The following HPSE2 variants were observed in gnomAD, a reference collection of about 807,000 sequenced individuals.
The protein encoded by HPSE2 is inactive heparanase-2.
HPSE2 carries 38 observed loss-of-function variants against 60.5 expected under a neutral mutation model. The ratio of observed to expected loss-of-function variants is 0.63; its 90% CI spans 0.48 to 0.82. The LOEUF (loss-of-function observed/expected upper bound fraction) is 0.82, where lower values mean the gene tolerates loss of function less well. Among genes scored for constraint, HPSE2 ranks in the 40% least tolerant of loss-of-function variants. The probability of loss-of-function intolerance (pLI) is 0.00; values close to 1 mark genes in which losing one functional copy is unlikely to be tolerated. For synonymous variants in HPSE2, 295 were observed against 293.2 expected (o/e 1.01, Z -0.06); for missense variants, 713 against 740.4 (o/e 0.96, Z 0.43).
chr10:98,719,806 G>T (rs1438187318), intron 5 of HPSE2, among the ~76,000 whole-genome samples: 1 of 151,422 alleles, frequency 6.6e-6, no homozygotes, highest in Non-Finnish European at 1.5e-5. Context: ...CTCAACACCA[G>T]CCTGACCAAC....
At chr10:98,943,804 T>C (rs1056231882) in intron 3 of HPSE2, among the ~76,000 whole-genome samples, 1 of 152,128 alleles carries the variant, frequency 6.6e-6, no homozygotes, top group African/African-American at 2.4e-5. Context: ...TTTCTAAATG[T>C]ATCCTCCCCA....
intron 6 of HPSE2, among the ~76,000 whole-genome samples, chr10:98,686,064 C>T (rs1947908578): frequency 6.6e-6 from 1 of 152,068 alleles, no homozygotes; most frequent in Non-Finnish European, 1.5e-5. Context: ...GTTTCTCTGT[C>T]TAGGGTTTTT....
intron 3 of HPSE2, among the ~76,000 whole-genome samples, chr10:99,094,559 T>A (rs1430940681): frequency 1.8e-4 from 19 of 104,158 alleles, no homozygotes; most frequent in South Asian, 1.1e-3. Context: ...TTTTTTTTTT[T>A]TTTTTTTTTT....
intron 6 of HPSE2, among the ~76,000 whole-genome samples, chr10:98,657,977 A>AT (rs1189709830): frequency 6.6e-6 from 1 of 152,112 alleles, no homozygotes; most frequent in Non-Finnish European, 1.5e-5. Flanking sequence ...AACTTAAGGG[A>AT]TTTTTTGGAA....
chr10:98,510,992 T>C (rs943336502), intron 9 of HPSE2, among the ~76,000 whole-genome samples: 1 of 152,176 alleles, frequency 6.6e-6, no homozygotes, highest in African/African-American at 2.4e-5. Context: ...TTGAAACACA[T>C]ATTCAAATTC....
chr10:98,691,165 C>T (rs1421508635), intron 6 of HPSE2, among the ~76,000 whole-genome samples: 1 of 152,132 alleles, frequency 6.6e-6, no homozygotes, highest in East Asian at 1.9e-4. Flanking sequence ...GCCAGAATTG[C>T]CTGGGATTCT....
At chr10:98,730,590 A>G (rs1359686719) in intron 4 of HPSE2, among the ~76,000 whole-genome samples, 1 of 152,112 alleles carries the variant, frequency 6.6e-6, no homozygotes, top group African/African-American at 2.4e-5. Flanking sequence ...CCACCGAAAA[A>G]AGAGAGAGAG....
chr10:98,930,731 A>C (rs1954619016), intron 3 of HPSE2, among the ~76,000 whole-genome samples: 2 of 143,232 alleles, frequency 1.4e-5, no homozygotes, highest in Non-Finnish European at 3.0e-5. Context: ...TGTGATGTTG[A>C]GCTGTTTTTC....
At chr10:98,798,117 C>T (rs1280472065) in intron 3 of HPSE2, among the ~76,000 whole-genome samples, 1 of 152,076 alleles carries the variant, frequency 6.6e-6, no homozygotes, top group African/African-American at 2.4e-5. Context: ...TGCAATAGGT[C>T]TGGCAGCAGA....
At chr10:99,070,734 T>C (rs957447678) in intron 3 of HPSE2, among the ~76,000 whole-genome samples, 8 of 152,108 alleles carry the variant, frequency 5.3e-5, no homozygotes, top group Non-Finnish European at 1.0e-4. Flanking sequence ...TTTTAGATAA[T>C]TTGTACATGT....
chr10:99,296,740 G>C, the HPSE2 span, among the ~76,000 whole-genome samples: 2 of 152,296 alleles, frequency 1.3e-5, no homozygotes, highest in African/African-American at 2.4e-5. Context: ...GGCTTCATGA[G>C]ATATGGCAGT....
chr10:99,025,260 A>G (rs951374693), intron 3 of HPSE2, among the ~76,000 whole-genome samples: 1 of 152,166 alleles, frequency 6.6e-6, no homozygotes, highest in African/African-American at 2.4e-5. Context: ...AGGAATGTTA[A>G]TTAGGTCAAC....
intron 5 of HPSE2, among the ~76,000 whole-genome samples, chr10:98,708,792 C>T (rs1031456970): frequency 6.6e-6 from 1 of 152,098 alleles, no homozygotes; most frequent in Admixed American, 6.6e-5. Flanking sequence ...TTAGAAAGAC[C>T]TCATCTAAAA....
chr10:98,503,857 T>C (rs540313904), intron 9 of HPSE2, among the ~76,000 whole-genome samples: 2 of 152,016 alleles, frequency 1.3e-5, no homozygotes, highest in Non-Finnish European at 2.9e-5. Context: ...GGGGACTTGG[T>C]GGGAAGAGTG....
chr10:99,277,038 G>A, the HPSE2 span, among the ~76,000 whole-genome samples: 6 of 152,142 alleles, frequency 3.9e-5, no homozygotes, highest in Non-Finnish European at 7.4e-5. Context: ...TGGGACAGAG[G>A]CGACAATGGA....
chr10:98,719,639 G>A (rs567021953), intron 5 of HPSE2, among the ~76,000 whole-genome samples: 10 of 146,464 alleles, frequency 6.8e-5, no homozygotes, highest in East Asian at 6.0e-4. Context: ...GACCCTAAAC[G>A]TCATGAGTGC....
intron 3 of HPSE2, among the ~76,000 whole-genome samples, chr10:99,086,346 CTTTTTTTT>C (rs66562418): frequency 2.4e-5 from 2 of 83,008 alleles, no homozygotes; most frequent in African/African-American, 9.0e-5. Flanking sequence ...AAAGTACTTT[CTTTTTTTT>C]TTTTTTTTTT....
intron 4 of HPSE2, among the ~76,000 whole-genome samples, chr10:98,727,691 A>C (rs1266867264): frequency 6.6e-6 from 1 of 151,956 alleles, no homozygotes; most frequent in Non-Finnish European, 1.5e-5. Flanking sequence ...AAAAAAAACA[A>C]ACTAAAAATA....
chr10:98,511,145 GTTTTTGT>G (rs1444288456), intron 9 of HPSE2, among the ~76,000 whole-genome samples: 2 of 145,898 alleles, frequency 1.4e-5, no homozygotes, highest in Admixed American at 6.8e-5. Flanking sequence ...TTTTTTGTTT[GTTTTTGT>G]TTTTTGTTTT....
Sources: allele counts gnomAD v4.1 joint callset (sites outside exome capture counted in the v4.1 genomes callset), GRCh38; gene constraint gnomAD v4.1.1; transcripts MANE v1.5; gene names NCBI Gene and HGNC (gene_info 2026-07-23, HGNC 2026-07-21).